RP1: variants seen among roughly 807,000 people sequenced by gnomAD.
The protein encoded by RP1 is RP1 axonemal microtubule associated.
RP1 carries 16 observed loss-of-function variants against 14.8 expected under a neutral mutation model. That is an observed-to-expected ratio of 1.08 (90% CI 0.73 to 1.65). The LOEUF (loss-of-function observed/expected upper bound fraction) is 1.65. Among genes scored for constraint, RP1 ranks in the 40% most tolerant of loss-of-function variants. The probability of loss-of-function intolerance (pLI) is 0.00; values close to 1 mark genes in which losing one functional copy is unlikely to be tolerated. For synonymous variants in RP1, 876 were observed against 883.6 expected, an observed-to-expected ratio of 0.99 and a Z score of 0.15; for missense variants, 2,631 against 2,535.0, an observed-to-expected ratio of 1.04 and a Z score of -0.81.
intron 3 of RP1, among the ~76,000 whole-genome samples, chr8:54,641,971 C>T (rs1806462186): frequency 6.6e-6 from 1 of 152,194 alleles, no homozygotes. Flanking sequence ...TATTCACATT[C>T]ATAGAAAAGT....
At position 54,755,617 on chromosome 8, in the gene RP1, A is replaced by G; in HGVS notation, c.2942-2A>G. The stretch of plus-strand genomic sequence containing the variant: ...TATTTTCTCTCCCTGTTGCTTTGCC[A>G]GTAGTGAGATACCAGGTTGACGTCT... On this transcript the variant is annotated splice_acceptor_variant, in intron 20 of 22. Coordinates refer to the RP1 transcript ENST00000636932. LOFTEE classifies it high-confidence loss of function. 3.3e-6 allele frequency: 5 copies of G among 1,535,864 alleles called. No homozygotes were observed. The highest frequency in any genetic ancestry group is 4.4e-6 in the Non-Finnish European group (5 of 1,146,764).
chr8:54,608,549 A>G (rs1285692034), intron 1 of RP1, among the ~76,000 whole-genome samples: 1 of 152,168 alleles, frequency 6.6e-6, no homozygotes, highest in African/African-American at 2.4e-5. Context: ...TTTGTTCAAC[A>G]TGGTAAAAAA....
At chr8:54,838,710 AGT>A (rs68010428) in intron 25 of RP1, among the ~76,000 whole-genome samples, 14 of 150,788 alleles carry the variant, frequency 9.3e-5, no homozygotes, top group African/African-American at 1.2e-4. Context: ...TGTGTGTATG[AGT>A]GTGTGTGTGT....
chr8:54,747,564 GAATA>G (rs1809257625), intron 19 of RP1, among the ~76,000 whole-genome samples: 1 of 152,192 alleles, frequency 6.6e-6, no homozygotes, highest in South Asian at 2.1e-4. Context: ...TGGAATGAAT[GAATA>G]AATAAAACAC....
intron 24 of RP1, among the ~76,000 whole-genome samples, chr8:54,804,063 A>G (rs1053812256): frequency 3.4e-4 from 52 of 151,782 alleles, no homozygotes; most frequent in Non-Finnish European, 1.3e-4. Flanking sequence ...GTGAGACTCT[A>G]TCTCAAAAAA....
intron 17 of RP1, among the ~76,000 whole-genome samples, chr8:54,728,738 G>A (rs1808720592): frequency 6.6e-6 from 1 of 152,100 alleles, no homozygotes; most frequent in African/African-American, 2.4e-5. Flanking sequence ...GGTCTAAACT[G>A]CATTATGATA....
At chr8:54,853,754 G>GAGAGAGAAAGAAAAAA (rs1812111664) in intron 26 of RP1, among the ~76,000 whole-genome samples, 1 of 142,026 alleles carries the variant, frequency 7.0e-6, no homozygotes, top group East Asian at 2.1e-4. Flanking sequence ...GAAAGAAAGA[G>GAGAGAGAAAGAAAAAA]AGAGAGAAAG....
intron 7 of RP1, among the ~76,000 whole-genome samples, chr8:54,665,731 C>G (rs553002864): frequency 5.3e-5 from 8 of 152,260 alleles, no homozygotes; most frequent in Admixed American, 5.2e-4. Flanking sequence ...GAGACTTGTT[C>G]TATCTCTGGA....
At chr8:54,839,247 A>T (rs1811736834) in intron 25 of RP1, among the ~76,000 whole-genome samples, 1 of 152,194 alleles carries the variant, frequency 6.6e-6, no homozygotes, top group South Asian at 2.1e-4. Flanking sequence ...ACACAAAAGA[A>T]TGACACATTT....
chr8:54,670,185 A>G (rs1282586087), intron 7 of RP1, among the ~76,000 whole-genome samples: 1 of 152,018 alleles, frequency 6.6e-6, no homozygotes, highest in Non-Finnish European at 1.5e-5. Flanking sequence ...TAAATTTGTT[A>G]AGACTTGTTT....
At chr8:54,711,085 A>T (rs2129346652) in intron 15 of RP1, among the ~76,000 whole-genome samples, 1 of 152,330 alleles carries the variant, frequency 6.6e-6, no homozygotes, top group South Asian at 2.1e-4. Flanking sequence ...ACCAATGTGT[A>T]TCAGTTCAGT....
At chr8:54,709,619 G>A (rs1808248367) in intron 15 of RP1, among the ~76,000 whole-genome samples, 1 of 152,196 alleles carries the variant, frequency 6.6e-6, no homozygotes, top group South Asian at 2.1e-4. Context: ...GCATAAATGA[G>A]TTGGTTACAC....
intron 24 of RP1, among the ~76,000 whole-genome samples, chr8:54,800,667 A>G (rs149891268): frequency 5.9e-5 from 9 of 152,122 alleles, no homozygotes; most frequent in African/African-American, 2.2e-4. Flanking sequence ...CATCCTTGTA[A>G]CTGTGTTTTT....
intron 1 of RP1, among the ~76,000 whole-genome samples, chr8:54,594,863 A>T (rs1182610669): frequency 1.3e-5 from 2 of 152,188 alleles, no homozygotes; most frequent in South Asian, 2.1e-4. Flanking sequence ...ATGAGATTTT[A>T]AAAAATATTC....
chr8:54,608,808 A>T (rs1283059374), intron 1 of RP1, among the ~76,000 whole-genome samples: 1 of 152,138 alleles, frequency 6.6e-6, no homozygotes, highest in African/African-American at 2.4e-5. Context: ...TACATTAAAA[A>T]CCATAGTCTT....
Position 54,649,353 on chromosome 8 carries a change from A to G in RP1, c.951+205A>G, listed in dbSNP as rs1008533883. Among the ~76,000 whole-genome samples, 5 of 152,176 alleles carry G rather than the reference A, an allele frequency of 3.3e-5. No individual in the cohort carries two copies. The South Asian group carries it at 1.0e-3, about 32-fold the overall frequency. On this transcript the variant is annotated intron_variant, in intron 4 of 22. Coordinates refer to the RP1 transcript ENST00000636932. ...GAGACAGTAGCTAGAGAGAAATACT[A>G]GATGGTAAACACTTATTTTTATGTG... is the stretch of plus-strand genomic sequence containing the variant.
At chr8:54,635,984 C>T (rs1806339041) in intron 3 of RP1, among the ~76,000 whole-genome samples, 1 of 152,200 alleles carries the variant, frequency 6.6e-6, no homozygotes, top group Non-Finnish European at 1.5e-5. Flanking sequence ...CCCTCTTCCT[C>T]TCCTCCCCAC....
At chr8:54,762,130 G>C (rs1322029484) in intron 22 of RP1, among the ~76,000 whole-genome samples, 2 of 152,174 alleles carry the variant, frequency 1.3e-5, no homozygotes, top group Admixed American at 6.5e-5. Flanking sequence ...GTTCACTGTG[G>C]CTAGTTAGTT....
At position 54,791,772 on chromosome 8, in the gene RP1, A is replaced by T. The variant is rs114581297; in HGVS notation, c.3615+8062A>T. 6.4e-3 allele frequency among the ~76,000 whole-genome samples: 980 copies of T among 152,248 alleles called. 16 individuals are homozygous for T. Among genetic ancestry groups the T allele is most frequent in the African/African-American group, 0.023 (946 of 41,578 alleles). On this transcript the variant is annotated intron_variant, in intron 24 of 28. Coordinates refer to the RP1 transcript ENST00000637698. Reference sequence around the variant, plus strand: ...AATACCAACACAAAAGTCATCAATTACAAAAGAAGACAATAAGCAAGGAAG... The same window carrying T: ...AATACCAACACAAAAGTCATCAATTTCAAAAGAAGACAATAAGCAAGGAAG...
Sources: gnomAD v4.1 joint callset for allele counts (sites outside exome capture counted in the v4.1 genomes callset) on GRCh38, gnomAD v4.1.1 for gene constraint, MANE v1.5 for transcripts, NCBI Gene and HGNC (gene_info 2026-07-23, HGNC 2026-07-21) for gene names.